Variants in TNPO3 observed in about 807,000 individuals in gnomAD.
TNPO3 encodes the protein transportin 3.
A neutral mutation model predicts 122.8 loss-of-function variants in TNPO3; 65 were observed. That is an observed-to-expected ratio of 0.53 (90% CI 0.43 to 0.65). The LOEUF is 0.65. Ranked by LOEUF, TNPO3 falls within the 30% of genes least tolerant of loss-of-function variation. The probability of loss-of-function intolerance (pLI) is 0.00; values close to 1 mark genes in which losing one functional copy is unlikely to be tolerated. For synonymous variants in TNPO3, 372 were observed against 411.2 expected (o/e 0.90, Z 1.15); for missense variants, 850 against 1,136.7 (o/e 0.75, Z 3.63).
Position 128,998,843 on chromosome 7 carries a change from CTTTTTA to C in TNPO3, c.1012-1314_1012-1309del, listed in dbSNP as rs1244929116. Among the ~76,000 whole-genome samples, 6 of 151,822 alleles carry C rather than the reference CTTTTTA, an allele frequency of 4.0e-5. No individual in the cohort carries two copies. The South Asian group carries it at 1.3e-3, about 32-fold the overall frequency. Reference sequence around the variant, plus strand: ...TAAACCACTGTGCCCAGCCAGAAGTCTTTTTATTTTTATTTATTTATTTTTTTTGAG... The same window carrying C: ...TAAACCACTGTGCCCAGCCAGAAGTCTTTTTATTTATTTATTTTTTTTGAG... On this transcript the variant is annotated intron_variant, in intron 7 of 22. Transcript: ENST00000265388.
chr7:129,012,157 C>A (rs1803292418), intron 4 of TNPO3, among the ~76,000 whole-genome samples: 1 of 151,710 alleles, frequency 6.6e-6, no homozygotes, highest in Non-Finnish European at 1.5e-5. Flanking sequence ...AGGAGTGCAC[C>A]ACCATACCTG....
At chr7:128,962,219 G>C (rs1166702501) in intron 21 of TNPO3, among the ~76,000 whole-genome samples, 1 of 151,926 alleles carries the variant, frequency 6.6e-6, no homozygotes, top group Non-Finnish European at 1.5e-5. Flanking sequence ...CAAAAAATTA[G>C]CCGGGCGCGG....
rs186483995 is a variant in TNPO3, at chr7:128,968,266, G to A, written c.2599-874C>T. Among the ~76,000 whole-genome samples, 3 of 152,232 alleles carry A rather than the reference G, an allele frequency of 2.0e-5. No homozygotes were observed. In the East Asian group the frequency reaches 5.8e-4, roughly 29 times the overall value. The stretch of plus-strand genomic sequence containing the variant: ...TTCAGTTCCTTTGTGATATCTGCCT[G>A]TTCTTTGTGTTAAAAAACCTTGCTC... On this transcript the variant is annotated intron_variant, in intron 20 of 22. Coordinates refer to ENST00000265388, the MANE Select transcript of TNPO3 (RefSeq NM_012470.4).
chr7:129,008,831 AATG>A (rs769417145), intron 4 of TNPO3, among the ~76,000 whole-genome samples: 2 of 152,198 alleles, frequency 1.3e-5, no homozygotes, highest in African/African-American at 2.4e-5. Context: ...AGACTTCCTG[AATG>A]ATATTTCAAT....
rs1028957143 is a variant in TNPO3 at position 128,978,840 on chromosome 7, C to T, written c.2061+143G>A. 4.6e-6 allele frequency: 4 copies of T among 875,248 alleles called. No homozygotes were observed. In the African/African-American group the frequency reaches 5.1e-5, roughly 11 times the overall value. 54.2% of individuals were successfully genotyped at this position (875,248 alleles called of 1,614,324 possible). On this transcript the variant is annotated intron_variant, in intron 16 of 22. Coordinates refer to ENST00000265388, the MANE Select transcript of TNPO3 (RefSeq NM_012470.4). ...AGAGACAGGGTTTCACCATGTTGGCCAGGCTGGTCTTGAACTCCTGACCTC... is the reference window on the plus strand; with the variant it reads ...AGAGACAGGGTTTCACCATGTTGGCTAGGCTGGTCTTGAACTCCTGACCTC...
chr7:128,967,458 A>G, intron 20 of TNPO3, 66 bp from the exon 21 acceptor site: 1 of 1,052,364 alleles, frequency 9.5e-7, no homozygotes, highest in Non-Finnish European at 1.5e-6. Flanking sequence ...GACCCTACAG[A>G]TACTAACAAA....
At chr7:129,033,971 C>G (rs1408321301) in intron 1 of TNPO3, among the ~76,000 whole-genome samples, 1 of 151,132 alleles carries the variant, frequency 6.6e-6, no homozygotes, top group East Asian at 1.9e-4. Context: ...TCAACTGCAG[C>G]CAACTGCAGC....
intron 1 of TNPO3, among the ~76,000 whole-genome samples, chr7:129,025,051 AT>A (rs1804950429): frequency 6.6e-6 from 1 of 151,660 alleles, no homozygotes; most frequent in Non-Finnish European, 1.5e-5. Context: ...CTCAAAATAC[AT>A]TATATAAAAA....
intron 2 of TNPO3, among the ~76,000 whole-genome samples, chr7:129,017,332 A>G (rs1351048632): frequency 6.6e-6 from 1 of 152,206 alleles, no homozygotes; most frequent in African/African-American, 2.4e-5. Context: ...TCCTCAAAAT[A>G]TATCAATATT....
intron 1 of TNPO3, among the ~76,000 whole-genome samples, chr7:129,027,357 T>C (rs539042334): frequency 1.3e-5 from 2 of 151,760 alleles, no homozygotes; most frequent in African/African-American, 2.4e-5. Flanking sequence ...GATCAGGAGT[T>C]TGAGACTAAC....
rs1802637468 is a variant in TNPO3 at position 129,006,912 on chromosome 7, A to T, written c.553-1753T>A. Among the ~76,000 whole-genome samples the T allele has an allele frequency of 2.0e-5, 3 of 152,216 alleles. No individual in the cohort carries two copies. In the South Asian group the frequency reaches 6.2e-4, roughly 32 times the overall value. On this transcript the variant is annotated intron_variant, in intron 4 of 22. Coordinates refer to ENST00000265388, the MANE Select transcript of TNPO3 (RefSeq NM_012470.4). Reference sequence around the variant, plus strand: ...GGTCTGGAAGCTACCTTTAAAACAAAGCAAAACAAAACAAAAAACCACCTT... The same window carrying T: ...GGTCTGGAAGCTACCTTTAAAACAATGCAAAACAAAACAAAAAACCACCTT...
At chr7:128,989,418 G>A (rs1335335943) in intron 11 of TNPO3, among the ~76,000 whole-genome samples, 3 of 152,126 alleles carry the variant, frequency 2.0e-5, no homozygotes, top group South Asian at 2.1e-4. Flanking sequence ...AAAAGAGGAG[G>A]TTAGAATAAA....
intron 19 of TNPO3, among the ~76,000 whole-genome samples, chr7:128,971,747 T>A (rs1263308016): frequency 2.0e-5 from 3 of 152,222 alleles, no homozygotes; most frequent in Middle Eastern, 6.3e-3. Flanking sequence ...TTAGAGGCAG[T>A]ATGACTATCT....
At chr7:128,974,788 A>G in intron 18 of TNPO3, 80 bp downstream of exon 18, 1 of 1,216,452 alleles carries the variant, frequency 8.2e-7, no homozygotes, top group African/African-American at 1.5e-5. Flanking sequence ...TTACAAGAAT[A>G]AAACAACCAA....
At chr7:128,985,165 T>TA (rs907085360) in intron 12 of TNPO3, among the ~76,000 whole-genome samples, 25 of 152,290 alleles carry the variant, frequency 1.6e-4, no homozygotes, top group African/African-American at 5.5e-4. Flanking sequence ...AAATTTGAAT[T>TA]AAAAAAACAG....
chr7:128,955,373 A>T lies in TNPO3; in HGVS notation c.*44T>A, dbSNP rs1226110622. ...TTTGTTTTCTTCCTGTCTTCTAATT[A>T]AAAAAGACATTCCTGACAAAAGAGA... On this transcript the variant is annotated 3_prime_UTR_variant, in exon 23 of 23. Coordinates refer to ENST00000265388, the MANE Select transcript of TNPO3 (RefSeq NM_012470.4). 4.4e-6 allele frequency: 2 copies of T among 456,194 alleles called. No homozygotes were observed. The highest frequency in any genetic ancestry group is 1.6e-5 in the South Asian group (1 of 64,480). The allele number at this position is 456,194 out of a possible 1,614,324, so 28.3% of individuals were successfully genotyped here.
At chr7:128,967,117 C>T (rs573585315) in intron 21 of TNPO3, among the ~76,000 whole-genome samples, 163 bp downstream of exon 21, 2 of 152,346 alleles carry the variant, frequency 1.3e-5, no homozygotes, top group African/African-American at 2.4e-5. Context: ...CATACATACA[C>T]AGCATGGTGA....
chr7:128,965,028 C>T (rs538709926), intron 21 of TNPO3, among the ~76,000 whole-genome samples: 3 of 152,268 alleles, frequency 2.0e-5, no homozygotes, highest in African/African-American at 7.2e-5. Context: ...GACATGAAAT[C>T]TGGCAATGAT....
At chr7:129,020,696 C>T (rs1201855901) in intron 1 of TNPO3, among the ~76,000 whole-genome samples, 1 of 152,124 alleles carries the variant, frequency 6.6e-6, no homozygotes, top group Non-Finnish European at 1.5e-5. Context: ...CTGCCTTGGC[C>T]TCCCAAAGTG....
Sources: allele counts gnomAD v4.1 joint callset (sites outside exome capture counted in the v4.1 genomes callset), GRCh38; gene constraint gnomAD v4.1.1; transcripts MANE v1.5; gene names NCBI Gene and HGNC (gene_info 2026-07-23, HGNC 2026-07-21).